Variants in SMYD3 observed in about 807,000 individuals in gnomAD.
SMYD3 encodes SET and MYND domain containing 3.
Under a neutral mutation model 57.7 loss-of-function variants are expected in SMYD3, and 36 were observed. That is an observed-to-expected ratio of 0.62 (90% CI 0.48 to 0.82). The LOEUF (loss-of-function observed/expected upper bound fraction) is 0.82, where lower values mean the gene tolerates loss of function less well. Ranked by LOEUF, SMYD3 falls within the 40% of genes least tolerant of loss-of-function variation. SMYD3 has a pLI of 0.00. For synonymous variants in SMYD3, 211 were observed against 195.0 expected (o/e 1.08, Z -0.68); for missense variants, 515 against 538.8 (o/e 0.96, Z 0.44).
At chr1:246,215,215 T>A (rs1304768980) in intron 5 of SMYD3, among the ~76,000 whole-genome samples, 1 of 152,132 alleles carries the variant, frequency 6.6e-6, no homozygotes, top group African/African-American at 2.4e-5. Flanking sequence ...TTTCGCAATC[T>A]CTTCACTAAA....
chr1:245,795,900 T>C (rs77464181), intron 10 of SMYD3, among the ~76,000 whole-genome samples: 3,511 of 152,340 alleles, frequency 0.023, 65 homozygotes, highest in Non-Finnish European at 0.033. Flanking sequence ...TCAGCTTAAA[T>C]ACAGTCTCAG....
At chr1:246,367,588 A>G (rs911796683) in intron 1 of SMYD3, among the ~76,000 whole-genome samples, 1 of 152,048 alleles carries the variant, frequency 6.6e-6, no homozygotes, top group African/African-American at 2.4e-5. Context: ...GTGCACAAAC[A>G]CGCCCAGCTA....
chr1:245,881,705 T>C lies in SMYD3; in HGVS notation c.814-17819A>G, dbSNP rs538357232. On this transcript the variant is annotated intron_variant, in intron 8 of 11. Transcript: ENST00000490107. ...AAAAATGATACGTAACGTTTGCTAGTGCAATCATGGAAATAAAGGCATTGC... is the reference window on the plus strand; with the variant it reads ...AAAAATGATACGTAACGTTTGCTAGCGCAATCATGGAAATAAAGGCATTGC... Among the ~76,000 whole-genome samples the C allele has an allele frequency of 1.3e-4, 20 of 152,320 alleles. No homozygotes were observed. The South Asian group carries it at 3.9e-3, about 30-fold the overall frequency.
intron 10 of SMYD3, among the ~76,000 whole-genome samples, chr1:245,778,717 G>A (rs919083140): frequency 9.9e-5 from 15 of 151,996 alleles, no homozygotes; most frequent in African/African-American, 2.4e-4. Flanking sequence ...ATACAAACTC[G>A]TAAAAATTTT....
At chr1:246,358,172 T>C (rs887961840) in intron 1 of SMYD3, among the ~76,000 whole-genome samples, 23 of 151,874 alleles carry the variant, frequency 1.5e-4, no homozygotes, top group African/African-American at 5.3e-4. Flanking sequence ...GCTATTCTTA[T>C]AGACAAAACA....
chr1:246,106,228 A>G (rs2061116010), intron 5 of SMYD3, among the ~76,000 whole-genome samples: 1 of 152,196 alleles, frequency 6.6e-6, no homozygotes, highest in South Asian at 2.1e-4. Flanking sequence ...TACATTGTAG[A>G]CATCCTTTGC....
At chr1:245,776,589 T>C (rs200344221) in intron 10 of SMYD3, among the ~76,000 whole-genome samples, 5 of 152,230 alleles carry the variant, frequency 3.3e-5, no homozygotes, top group African/African-American at 1.2e-4. Flanking sequence ...ACTGGTACTT[T>C]ATTGAAATCA....
chr1:246,242,887 A>C (rs2063638286), intron 5 of SMYD3, among the ~76,000 whole-genome samples: 1 of 152,222 alleles, frequency 6.6e-6, no homozygotes, highest in South Asian at 2.1e-4. Context: ...GATCAGTTCA[A>C]CAAGAAGAGC....
chr1:246,355,107 A>G lies in SMYD3; in HGVS notation c.165-13T>C. 6.2e-7 allele frequency: 1 copy of G among 1,613,784 alleles called. No homozygotes were observed. The highest frequency in any genetic ancestry group is 8.5e-7 in the Non-Finnish European group (1 of 1,179,700). On this transcript the variant is annotated splice_polypyrimidine_tract_variant and intron_variant, in intron 1 of 11. Coordinates refer to ENST00000490107, the MANE Select transcript of SMYD3 (RefSeq NM_001167740.2). The surrounding 1 kb of genome is among the most constrained non-coding windows in gnomAD (Gnocchi z 5.0). The stretch of plus-strand genomic sequence containing the variant: ...CAGCTTTTCCTTCCTGTGGGGAAAA[A>G]AATTAATTCTGCATTAAGAAATGAG...
chr1:246,423,356 A>G (rs564618895), intron 1 of SMYD3, among the ~76,000 whole-genome samples: 1 of 152,164 alleles, frequency 6.6e-6, no homozygotes, highest in South Asian at 2.1e-4. Flanking sequence ...AGTGCAGAAC[A>G]GAAGGTATTA....
chr1:246,213,497 T>A (rs1475554570), intron 5 of SMYD3, among the ~76,000 whole-genome samples: 1 of 152,130 alleles, frequency 6.6e-6, no homozygotes, highest in Admixed American at 6.5e-5. Context: ...TGCAAAGGAA[T>A]AACATGAGCA....
At chr1:245,793,209 T>A (rs1269573775) in intron 10 of SMYD3, among the ~76,000 whole-genome samples, 2 of 151,012 alleles carry the variant, frequency 1.3e-5, no homozygotes, top group East Asian at 1.9e-4. Flanking sequence ...CTCGGGAGGC[T>A]GAGGCAGGAG....
chr1:245,844,657 A>G (rs969675374), intron 10 of SMYD3, among the ~76,000 whole-genome samples: 16 of 149,274 alleles, frequency 1.1e-4, no homozygotes, highest in African/African-American at 4.0e-4. Context: ...AACGGCCTGC[A>G]GTCTTAGGGT....
At chr1:246,455,215 A>C (rs1458724479) in intron 1 of SMYD3, among the ~76,000 whole-genome samples, 1 of 152,198 alleles carries the variant, frequency 6.6e-6, no homozygotes, top group African/African-American at 2.4e-5. Flanking sequence ...GTATTCCTTT[A>C]AAAATAAAGT....
chr1:246,045,504 T>C (rs1412699771), intron 5 of SMYD3, among the ~76,000 whole-genome samples: 1 of 152,098 alleles, frequency 6.6e-6, no homozygotes, highest in South Asian at 2.1e-4. Flanking sequence ...AAGACTTACA[T>C]GTCAGACCTA....
intron 8 of SMYD3, among the ~76,000 whole-genome samples, chr1:245,881,967 G>T (rs915174843): frequency 6.6e-6 from 1 of 152,224 alleles, no homozygotes; most frequent in Admixed American, 6.5e-5. Flanking sequence ...CAGGAGCCAG[G>T]CCGCACAGGG....
intron 1 of SMYD3, among the ~76,000 whole-genome samples, chr1:246,411,867 C>G (rs1041542932): frequency 6.7e-6 from 1 of 149,818 alleles, no homozygotes; most frequent in Non-Finnish European, 1.5e-5. Context: ...GGATATATAC[C>G]TAATGCTAAA....
intron 5 of SMYD3, among the ~76,000 whole-genome samples, chr1:246,302,567 T>C (rs911969789): frequency 9.2e-5 from 14 of 152,150 alleles, no homozygotes; most frequent in African/African-American, 3.4e-4. Context: ...ATGATTTATA[T>C]ATATATATTT....
At chr1:246,257,992 AC>A (rs2063929112) in intron 5 of SMYD3, among the ~76,000 whole-genome samples, 1 of 152,160 alleles carries the variant, frequency 6.6e-6, no homozygotes, top group African/African-American at 2.4e-5. Context: ...AGCTTGCAGA[AC>A]CATAAGTCAA....
Sources: gnomAD v4.1 joint callset for allele counts (sites outside exome capture counted in the v4.1 genomes callset) on GRCh38, gnomAD v4.1.1 for gene constraint, Gnocchi (gnomAD v3.1) non-coding constraint, MANE v1.5 for transcripts, NCBI Gene and HGNC (gene_info 2026-07-23, HGNC 2026-07-21) for gene names.